Variants in SPACA7 observed in about 807,000 individuals in gnomAD.
SPACA7 encodes the protein sperm acrosome associated 7.
In SPACA7, 19 loss-of-function variants were observed where a neutral mutation model predicts 26.3. The ratio of observed to expected loss-of-function variants is 0.72; its 90% CI spans 0.50 to 1.06. The LOEUF (loss-of-function observed/expected upper bound fraction) is 1.06, where lower values mean the gene tolerates loss of function less well. Ranked by LOEUF, SPACA7 falls within the 50% of genes least tolerant of loss-of-function variation. The pLI, the probability that SPACA7 is intolerant of heterozygous loss-of-function variation, is 0.00. For missense variants in SPACA7, 211 were observed against 229.9 expected (o/e 0.92, Z 0.53); for synonymous variants, 84 against 84.5 (o/e 0.99, Z 0.04).
At chr13:112,427,583 C>CT (rs1477609618) in intron 5 of SPACA7, among the ~76,000 whole-genome samples, 5 of 152,134 alleles carry the variant, frequency 3.3e-5, no homozygotes, top group Non-Finnish European at 5.9e-5. Flanking sequence ...GAAGTAGTCT[C>CT]TCTTCTTGAA....
intron 2 of SPACA7, among the ~76,000 whole-genome samples, 185 bp from the exon 3 acceptor site, chr13:112,397,864 C>T (rs1885378597): frequency 6.6e-6 from 1 of 152,028 alleles, no homozygotes; most frequent in South Asian, 2.1e-4. Context: ...AGGGAGGCAG[C>T]GGCCTGCCCA....
Position 112,434,251 on chromosome 13 carries a change from G to A in SPACA7, c.524-234G>A, listed in dbSNP as rs189377552. On this transcript the variant is annotated intron_variant, in intron 6 of 6. Transcript: ENST00000283550. ...TTGTCGATGGGTTTTGAGGGAGAAC[G>A]CGGGGGAAATGACACTGGACAGGGT... Among the ~76,000 whole-genome samples, 554 of 152,278 alleles carry A rather than the reference G, an allele frequency of 3.6e-3. 2 individuals are homozygous for A. The highest frequency in any genetic ancestry group is 7.1e-3 in the Admixed American group (108 of 15,302).
Position 112,382,435 on chromosome 13 carries a change from G to A in SPACA7, c.94+5956G>A, listed in dbSNP as rs531566307. ...ATCTTCAGGTGCAGGCTGTGAAGAT[G>A]GGAAAAGGCTGTCAATGCTCTGGCT... On this transcript the variant is annotated intron_variant, in intron 1 of 6. Transcript: ENST00000283550. The A allele has an allele frequency of 2.3e-5, 35 of 1,549,648 alleles. No individual in the cohort carries two copies. The East Asian group carries it at 8.3e-4, about 37-fold the overall frequency.
chr13:112,403,252 A>G (rs1885760515), intron 5 of SPACA7, among the ~76,000 whole-genome samples: 1 of 152,118 alleles, frequency 6.6e-6, no homozygotes, highest in Admixed American at 6.5e-5. Flanking sequence ...TGGTTTTCAA[A>G]TGTATTTGAA....
intron 4 of SPACA7, among the ~76,000 whole-genome samples, chr13:112,399,552 G>T (rs1284648291): frequency 1.3e-5 from 2 of 152,250 alleles, no homozygotes; most frequent in Non-Finnish European, 2.9e-5. Flanking sequence ...GCCCCCAGGG[G>T]GGTCCCCCAG....
chr13:112,418,418 C>G (rs780806238), intron 5 of SPACA7, among the ~76,000 whole-genome samples: 1 of 152,170 alleles, frequency 6.6e-6, no homozygotes, highest in Admixed American at 6.5e-5. Context: ...CAAGACTACA[C>G]CCTCAGTAAA....
chr13:112,411,216 C>T (rs1886330528), intron 5 of SPACA7, among the ~76,000 whole-genome samples: 1 of 149,932 alleles, frequency 6.7e-6, no homozygotes, highest in African/African-American at 2.4e-5. Flanking sequence ...TATTTTTGTT[C>T]TACTAAACAC....
intron 5 of SPACA7, among the ~76,000 whole-genome samples, chr13:112,413,099 TGA>T (rs1886454045): frequency 6.6e-6 from 1 of 152,192 alleles, no homozygotes. Context: ...ACTAAAGATA[TGA>T]GTGGTTTGCA....
At chr13:112,413,072 T>G (rs1886451392) in intron 5 of SPACA7, among the ~76,000 whole-genome samples, 1 of 152,220 alleles carries the variant, frequency 6.6e-6, no homozygotes. Context: ...TTAATAGATT[T>G]GCCTTTTCAT....
At chr13:112,393,122 G>A (rs757269437) in intron 2 of SPACA7, 45 bp downstream of exon 2, 4 of 1,514,376 alleles carry the variant, frequency 2.6e-6, no homozygotes, top group Non-Finnish European at 9.1e-7. Flanking sequence ...ACGTGAAGAG[G>A]GCTGGATGGT....
At chr13:112,380,875 C>G (rs1156468041) in intron 1 of SPACA7, among the ~76,000 whole-genome samples, 1 of 152,126 alleles carries the variant, frequency 6.6e-6, no homozygotes, top group Non-Finnish European at 1.5e-5. Flanking sequence ...ACAGAGAAAA[C>G]TAGGAGTAGA....
chr13:112,392,914 C>A, intron 1 of SPACA7, 107 bp from the exon 2 acceptor site: 1 of 845,068 alleles, frequency 1.2e-6, no homozygotes, highest in Non-Finnish European at 1.8e-6. Flanking sequence ...AGGGCTCCTT[C>A]CTCTAGAGGG....
At chr13:112,378,602 T>C (rs1883842954) in intron 1 of SPACA7, 1 of 464,116 alleles carries the variant, frequency 2.2e-6, no homozygotes, top group Admixed American at 2.4e-5. Context: ...AGACTTCACA[T>C]GTGGTACCTA....
rs553461892 is a variant in SPACA7, at chr13:112,428,406, C to A, written c.446-4038C>A. ...ACCAGCCTGGCCAAAATGATGAAAC[C>A]CCATCTCTTCTAAAAATACAAAAAT... On this transcript the variant is annotated intron_variant, in intron 5 of 6. Coordinates refer to ENST00000283550, the MANE Select transcript of SPACA7 (RefSeq NM_145248.5). Among the ~76,000 whole-genome samples, 167 of 152,066 alleles carry A rather than the reference C, an allele frequency of 1.1e-3. 1 individual carries two copies. The highest frequency in any genetic ancestry group is 1.6e-3 in the Non-Finnish European group (112 of 68,002).
chr13:112,391,760 G>A (rs1884903329), intron 1 of SPACA7, among the ~76,000 whole-genome samples: 1 of 152,156 alleles, frequency 6.6e-6, no homozygotes. Flanking sequence ...GACACAAAAT[G>A]AAAAGAATAT....
chr13:112,416,289 T>TTGTTGTTGTTGTTGTTG lies in SPACA7; in HGVS notation c.445+15126_445+15127insGTTGTTGTTGTTGTTGT, dbSNP rs34676220. On this transcript the variant is annotated intron_variant, in intron 5 of 6. Coordinates refer to ENST00000283550, the MANE Select transcript of SPACA7 (RefSeq NM_145248.5). ...GGATTGTCAGTTGTTGTTGTTGTTGTTTGTTGTTGTTGTTGTTGTTACAGA... is the reference window on the plus strand; with the variant it reads ...GGATTGTCAGTTGTTGTTGTTGTTGTTGTTGTTGTTGTTGTTGTTGTTGTTGTTGTTGTTGTTACAGA... 4.5e-3 allele frequency among the ~76,000 whole-genome samples: 446 copies of TTGTTGTTGTTGTTGTTG among 99,854 alleles called. 4 individuals carry two copies. The highest frequency in any genetic ancestry group is 7.4e-3 in the Admixed American group (76 of 10,254). The allele number at this position is 99,854 out of a possible 152,430, so 65.5% of individuals were successfully genotyped here. A position where few individuals can be genotyped will look rare whatever the true frequency, so the allele number is the denominator to read the frequency against.
chr13:112,404,472 C>T (rs1376709992), intron 5 of SPACA7, among the ~76,000 whole-genome samples: 1 of 152,178 alleles, frequency 6.6e-6, no homozygotes, highest in Non-Finnish European at 1.5e-5. Flanking sequence ...TGGGTTCTTG[C>T]TCATGAAGTC....
chr13:112,430,174 C>CTCTGTGTGTGTGTGTGTGTG (rs1366577519), intron 5 of SPACA7, among the ~76,000 whole-genome samples: 4 of 134,210 alleles, frequency 3.0e-5, no homozygotes, highest in African/African-American at 8.3e-5. Context: ...ATCTCTCTCT[C>CTCTGTGTGTGTGTGTGTGTG]TGTGTGTGTG....
intron 5 of SPACA7, among the ~76,000 whole-genome samples, chr13:112,416,276 GTTGTTGTTGTTGT>G (rs1280671023): frequency 1.2e-5 from 1 of 82,938 alleles, no homozygotes; most frequent in African/African-American, 6.4e-5. Flanking sequence ...ATTGTCAGTT[GTTGTTGTTGTTGT>G]TTGTTGTTGT....
Sources: allele counts gnomAD v4.1 joint callset (sites outside exome capture counted in the v4.1 genomes callset), GRCh38; gene constraint gnomAD v4.1.1; transcripts MANE v1.5; gene names NCBI Gene and HGNC (gene_info 2026-07-23, HGNC 2026-07-21).